Variants in AGBL4 observed in about 807,000 individuals in gnomAD.
The protein encoded by AGBL4 is AGBL carboxypeptidase 4, also known as cytosolic carboxypeptidase 6.
A neutral mutation model predicts 66.4 loss-of-function variants in AGBL4; 58 were observed. The observed-to-expected ratio is 0.87, with a 90% CI of 0.71 to 1.09. The LOEUF (loss-of-function observed/expected upper bound fraction) is 1.09, where lower values mean the gene tolerates loss of function less well. AGBL4 is among the 50% of genes least tolerant of loss of function. The probability of loss-of-function intolerance (pLI) is 0.00; values close to 1 mark genes in which losing one functional copy is unlikely to be tolerated. For synonymous variants in AGBL4, 234 were observed against 222.9 expected, an observed-to-expected ratio of 1.05 and a Z score of -0.44; for missense variants, 579 against 631.0, an observed-to-expected ratio of 0.92 and a Z score of 0.88.
chr1:49,142,469 T>A (rs553840485), intron 4 of AGBL4, among the ~76,000 whole-genome samples: 1 of 152,334 alleles, frequency 6.6e-6, no homozygotes, highest in South Asian at 2.1e-4. Context: ...TGAGCCTTAC[T>A]TTCTGCATAT....
At chr1:48,903,323 T>C (rs1652271156) in intron 5 of AGBL4, among the ~76,000 whole-genome samples, 1 of 152,082 alleles carries the variant, frequency 6.6e-6, no homozygotes, top group African/African-American at 2.4e-5. Context: ...AAGTGCAGAG[T>C]CGGTGCCTGA....
At chr1:49,123,698 T>C (rs1441032477) in intron 4 of AGBL4, among the ~76,000 whole-genome samples, 1 of 152,194 alleles carries the variant, frequency 6.6e-6, no homozygotes, top group Non-Finnish European at 1.5e-5. Context: ...GATTGCCCAC[T>C]CTCTCCTACT....
At chr1:49,570,250 AC>A (rs1644300129) in intron 3 of AGBL4, among the ~76,000 whole-genome samples, 1 of 152,042 alleles carries the variant, frequency 6.6e-6, no homozygotes, top group African/African-American at 2.4e-5. Context: ...TCTGTTGCTG[AC>A]TTTTTAATAA....
intron 6 of AGBL4, among the ~76,000 whole-genome samples, chr1:48,722,182 A>G (rs1647162738): frequency 6.6e-6 from 1 of 152,032 alleles, no homozygotes; most frequent in Admixed American, 6.6e-5. Flanking sequence ...GGTCTTTTGT[A>G]TTTTAAACAC....
intron 3 of AGBL4, among the ~76,000 whole-genome samples, chr1:49,282,017 T>A (rs765821443): frequency 3.9e-5 from 6 of 152,088 alleles, no homozygotes; most frequent in Non-Finnish European, 1.5e-5. Context: ...GCATCTGAAG[T>A]GGGAGGCAAG....
rs1364172693 is a variant in AGBL4, at chr1:49,948,372, A to AATATATAAAT, written c.34+75381_34+75390dup. 1.5e-4 allele frequency among the ~76,000 whole-genome samples: 16 copies of AATATATAAAT among 106,382 alleles called. No homozygotes were observed. In the Admixed American group the frequency reaches 1.8e-3, roughly 12 times the overall value. 69.8% of individuals were successfully genotyped at this position (106,382 alleles called of 152,430 possible). On this transcript the variant is annotated intron_variant, in intron 1 of 13. Transcript: ENST00000371839. ...TATATATAAATATATAAATACATAA[A>AATATATAAAT]ATATATAAATATATATAAATATATA...
chr1:48,747,730 C>T (rs12024474), intron 6 of AGBL4, among the ~76,000 whole-genome samples: 96,730 of 152,000 alleles, frequency 0.64, 32,495 homozygotes, highest in Non-Finnish European at 0.77. Context: ...CATGAAATTA[C>T]ACCATTTTCT....
intron 3 of AGBL4, among the ~76,000 whole-genome samples, chr1:49,594,396 G>A (rs1343712608): frequency 6.6e-6 from 1 of 152,158 alleles, no homozygotes; most frequent in Admixed American, 6.5e-5. Flanking sequence ...TGCAGAACAT[G>A]CAGGTTTGTT....
In AGBL4 at chr1:49,364,316, C is replaced by T. The variant is rs966172793; in HGVS notation, c.283-118452G>A. On this transcript the variant is annotated intron_variant, in intron 3 of 13. Coordinates refer to ENST00000371839, the MANE Select transcript of AGBL4 (RefSeq NM_032785.4). The stretch of plus-strand genomic sequence containing the variant: ...ACCTGCACTCCAATTCCAGCTAAAC[C>T]TCTAGACTACATTGGAAATATTGGA... Among the ~76,000 whole-genome samples the T allele has an allele frequency of 1.8e-4, 28 of 152,130 alleles. 1 individual carries two copies. Among genetic ancestry groups the T allele is most frequent in the Non-Finnish European group, 2.1e-4 (14 of 68,024 alleles).
chr1:50,023,694 C>A (rs936047236), intron 1 of AGBL4, 69 bp downstream of exon 1: 1 of 1,502,870 alleles, frequency 6.7e-7, no homozygotes, highest in Non-Finnish European at 8.9e-7. Flanking sequence ...ATGCCCGAGT[C>A]CCCTGTTGCC....
chr1:49,016,011 C>CT (rs1662793243), intron 5 of AGBL4, among the ~76,000 whole-genome samples: 1 of 152,138 alleles, frequency 6.6e-6, no homozygotes. Flanking sequence ...AGAATATAGA[C>CT]ACCACCACCC....
chr1:49,253,064 C>G (rs184206338), intron 3 of AGBL4, among the ~76,000 whole-genome samples: 1 of 152,118 alleles, frequency 6.6e-6, no homozygotes, highest in South Asian at 2.1e-4. Flanking sequence ...TCAATACTAA[C>G]TTTAAATGTA....
intron 11 of AGBL4, among the ~76,000 whole-genome samples, chr1:48,572,417 AAG>A (rs1644580368): frequency 6.6e-6 from 1 of 152,010 alleles, no homozygotes; most frequent in African/African-American, 2.4e-5. Context: ...GCGGAAGAAA[AAG>A]AGAAAAAAAA....
At chr1:50,002,393 G>C (rs1031617001) in intron 1 of AGBL4, among the ~76,000 whole-genome samples, 2 of 113,106 alleles carry the variant, frequency 1.8e-5, no homozygotes, top group Non-Finnish European at 3.3e-5. Context: ...TTTTTGAGAC[G>C]GAGTCTCGCT....
intron 4 of AGBL4, among the ~76,000 whole-genome samples, chr1:49,127,318 T>C (rs1645785722): frequency 6.6e-6 from 1 of 152,154 alleles, no homozygotes; most frequent in Non-Finnish European, 1.5e-5. Context: ...GATAAAATAC[T>C]ACAAATTGGG....
At chr1:49,126,701 T>A (rs1645771343) in intron 4 of AGBL4, among the ~76,000 whole-genome samples, 1 of 152,162 alleles carries the variant, frequency 6.6e-6, no homozygotes, top group South Asian at 2.1e-4. Flanking sequence ...GGTAGTAATG[T>A]TGTCCAGCCC....
intron 6 of AGBL4, among the ~76,000 whole-genome samples, chr1:48,804,971 C>A (rs141061852): frequency 1.3e-5 from 2 of 152,086 alleles, no homozygotes; most frequent in African/African-American, 4.8e-5. Context: ...TGGTTGGGAG[C>A]GGGAGAAGAG....
chr1:49,459,821 T>C (rs1646471368), intron 3 of AGBL4, among the ~76,000 whole-genome samples: 1 of 151,778 alleles, frequency 6.6e-6, no homozygotes, highest in East Asian at 1.9e-4. Flanking sequence ...CTCTTGGCAC[T>C]GCTTTTGCTA....
chr1:48,636,435 G>A (rs1645669264), intron 8 of AGBL4, among the ~76,000 whole-genome samples: 2 of 152,132 alleles, frequency 1.3e-5, no homozygotes, highest in Non-Finnish European at 2.9e-5. Context: ...ACATTTTACA[G>A]AGGAGAAAAC....
Sources: gnomAD v4.1 joint callset for allele counts (sites outside exome capture counted in the v4.1 genomes callset) on GRCh38, gnomAD v4.1.1 for gene constraint, MANE v1.5 for transcripts, NCBI Gene and HGNC (gene_info 2026-07-23, HGNC 2026-07-21) for gene names.